MTHFD1L: variants seen among roughly 807,000 people sequenced by gnomAD.
MTHFD1L encodes the protein monofunctional C1-tetrahydrofolate synthase, mitochondrial.
In MTHFD1L, 81 loss-of-function variants were observed where a neutral mutation model predicts 119.5. The ratio of observed to expected loss-of-function variants is 0.68; its 90% CI spans 0.57 to 0.82. The LOEUF is 0.82. Among genes scored for constraint, MTHFD1L ranks in the 40% least tolerant of loss-of-function variants. The pLI is 0.00. For synonymous variants in MTHFD1L, 430 were observed against 475.2 expected (o/e 0.90, Z 1.24); for missense variants, 1,125 against 1,253.4 (o/e 0.90, Z 1.55).
intron 8 of MTHFD1L, among the ~76,000 whole-genome samples, chr6:150,909,468 C>T (rs1262140881): frequency 6.6e-6 from 1 of 152,020 alleles, no homozygotes; most frequent in African/African-American, 2.4e-5. Flanking sequence ...GTCTTGAACT[C>T]CCGGCCTCAA....
At chr6:150,881,675 C>T (rs181505405) in intron 4 of MTHFD1L, among the ~76,000 whole-genome samples, 1 of 152,194 alleles carries the variant, frequency 6.6e-6, no homozygotes, top group East Asian at 1.9e-4. Flanking sequence ...TTTATTCTTT[C>T]CAGTGATTTT....
At position 151,039,998 on chromosome 6, in the gene MTHFD1L, A is replaced by T. The variant is rs1273218212; in HGVS notation, c.2847+2881A>T. Among the ~76,000 whole-genome samples, 3 of 152,132 alleles carry T rather than the reference A, an allele frequency of 2.0e-5. No individual in the cohort carries two copies. ...GAATGGCCTCAGTGATGGCCACTTT[A>T]CTCCTGAGCTTTAGCTGGTGAAAGC... On this transcript the variant is annotated intron_variant, in intron 26 of 27. Coordinates refer to ENST00000367321, the MANE Select transcript of MTHFD1L (RefSeq NM_015440.5). The surrounding 1 kb of genome is among the most constrained non-coding windows in gnomAD (Gnocchi z 4.4).
chr6:151,015,072 C>A, intron 23 of MTHFD1L, 92 bp downstream of exon 23: 1 of 1,035,656 alleles, frequency 9.7e-7, no homozygotes, highest in Non-Finnish European at 1.4e-6. Flanking sequence ...TCTTTCTGTG[C>A]TTCATCTAAA....
intron 20 of MTHFD1L, 83 bp downstream of exon 20, chr6:150,972,141 C>G: frequency 8.4e-7 from 1 of 1,188,516 alleles, no homozygotes; most frequent in South Asian, 1.3e-5. Flanking sequence ...TGATATCCAT[C>G]CTGACATGAA....
rs186490848 is a variant in MTHFD1L, at chr6:150,930,393, A to G, written c.1256+4098A>G. Among the ~76,000 whole-genome samples the G allele has an allele frequency of 4.0e-3, 608 of 152,340 alleles. 6 individuals carry two copies. The highest frequency in any genetic ancestry group is 0.014 in the African/African-American group (595 of 41,582). The stretch of plus-strand genomic sequence containing the variant: ...TGACTGTTATCAAACCATTATATGC[A>G]CTGTTGCAACTTCTTTAAAAATATA... On this transcript the variant is annotated intron_variant, in intron 11 of 27. Transcript: ENST00000367321.
rs768130949 is a variant in MTHFD1L, at chr6:151,092,539, G to C, written c.2920G>C (p.Val974Leu). 8.1e-6 allele frequency: 13 copies of C among 1,614,004 alleles called. No homozygotes were observed. In the East Asian group the frequency reaches 2.9e-4, roughly 36 times the overall value. ...AGATCTTGATACCGAAACAGAACAAGTTAAAGGCTTGTTCTAAGTGGACAA... is the reference window on the plus strand; with the variant it reads ...AGATCTTGATACCGAAACAGAACAACTTAAAGGCTTGTTCTAAGTGGACAA... ...DIDLDTETEQ[V>L]KGLF is the part of the protein sequence containing the mutation. Residue 974 changes from valine (V) to leucine (L), a missense_variant, in exon 27 of 28, where the codon GTT becomes CTT. This residue lies in a region of MTHFD1L where 61 missense variants were observed against 78.9 expected (regional missense o/e 0.77). Coordinates refer to ENST00000367321, the MANE Select transcript of MTHFD1L (RefSeq NM_015440.5).
chr6:151,034,515 G>A lies in MTHFD1L; in HGVS notation c.2609G>A (p.Arg870Lys), dbSNP rs576524414. ...CAGGTTCCAATTGTGGACAAGATAA[G>A]GACCATTGCTCAGGCTGTCTATGGA... ...DVQVPIVDKI[R>K]TIAQAVYGAK... Residue 870 changes from arginine to lysine, a missense_variant, in exon 25 of 28, where the codon AGG becomes AAG. By Grantham distance (26) the Arg-to-Lys change is conservative. This residue lies in a region of MTHFD1L where 1,058 missense variants were observed against 1,151.2 expected (regional missense o/e 0.92). Coordinates refer to ENST00000367321, the MANE Select transcript of MTHFD1L (RefSeq NM_015440.5). 28 of 1,611,218 alleles carry A rather than the reference G, an allele frequency of 1.7e-5. No homozygotes were observed. The South Asian group carries it at 3.0e-4, about 17-fold the overall frequency.
At chr6:151,082,822 A>C (rs1242139701) in intron 26 of MTHFD1L, among the ~76,000 whole-genome samples, 1 of 152,212 alleles carries the variant, frequency 6.6e-6, no homozygotes, top group African/African-American at 2.4e-5. Flanking sequence ...AATCAAAAAA[A>C]ACAAAACAAA....
intron 20 of MTHFD1L, among the ~76,000 whole-genome samples, chr6:150,979,656 A>G (rs1286635624): frequency 6.6e-6 from 1 of 152,032 alleles, no homozygotes. Flanking sequence ...ACGCACCACC[A>G]TGCCCGGCTA....
chr6:151,042,003 C>A, intron 26 of MTHFD1L: 1 of 362,490 alleles, frequency 2.8e-6, no homozygotes, highest in South Asian at 2.3e-5. Flanking sequence ...TCGTCATGTT[C>A]TATTTAATTA....
At chr6:150,891,477 T>G (rs1246618544) in intron 7 of MTHFD1L, among the ~76,000 whole-genome samples, 1 of 147,982 alleles carries the variant, frequency 6.8e-6, no homozygotes. Context: ...ATATATATAT[T>G]TAGGTCAGGA....
At chr6:150,913,785 C>T (rs1165620067) in intron 8 of MTHFD1L, among the ~76,000 whole-genome samples, 1 of 152,038 alleles carries the variant, frequency 6.6e-6, no homozygotes, top group African/African-American at 2.4e-5. Flanking sequence ...CTTGAGCTCA[C>T]GAGTTCGAGA....
rs182759470 is a variant in MTHFD1L at position 150,932,729 on chromosome 6, C to T, written c.1257-4075C>T. ...ATTGCAGTGAGCTGAGATTGTGCCA[C>T]TGCACTCCAGCCTGGGCAACAAGAG... On this transcript the variant is annotated intron_variant, in intron 11 of 27. Transcript: ENST00000367321. Among the ~76,000 whole-genome samples, 671 of 150,936 alleles carry T rather than the reference C, an allele frequency of 4.4e-3. 8 individuals are homozygous for T. Among genetic ancestry groups the T allele is most frequent in the African/African-American group, 0.016 (639 of 41,032 alleles).
chr6:151,066,995 A>ATTT (rs36035374), intron 26 of MTHFD1L, among the ~76,000 whole-genome samples: 2,850 of 138,550 alleles, frequency 0.021, 119 homozygotes, highest in African/African-American at 0.07. Flanking sequence ...TATCAATTTG[A>ATTT]TTTTTTTTTT....
chr6:151,082,161 C>T (rs535059333), intron 26 of MTHFD1L, among the ~76,000 whole-genome samples: 2 of 152,274 alleles, frequency 1.3e-5, no homozygotes, highest in African/African-American at 2.4e-5. Context: ...TGCTACCTGT[C>T]GGTCAAACGG....
chr6:150,974,839 C>T lies in MTHFD1L; in HGVS notation c.2125+2781C>T, dbSNP rs546351884. Among the ~76,000 whole-genome samples, 9 of 151,920 alleles carry T rather than the reference C, an allele frequency of 5.9e-5. No homozygotes were observed. In the East Asian group the frequency reaches 1.2e-3, roughly 20 times the overall value. On this transcript the variant is annotated intron_variant, in intron 20 of 27. Transcript: ENST00000367321. ...GCAACCTCCGCCTCCCAGGTTCAAG[C>T]GATCCTCCTACCTCAGCCTCCCGAG...
At position 150,931,268 on chromosome 6, in the gene MTHFD1L, CTTTTTTTT is replaced by C. The variant is rs370763551; in HGVS notation, c.1256+4989_1256+4996del. On this transcript the variant is annotated intron_variant, in intron 11 of 27. Transcript: ENST00000367321. ...ATTTGAATCATTCACATCATTTCAT[CTTTTTTTT>C]TTTTTTTTTTTTTTTCTGCAGAGGG... Among the ~76,000 whole-genome samples the C allele has an allele frequency of 6.0e-4, 74 of 123,728 alleles. 1 individual carries two copies. The highest frequency in any genetic ancestry group is 9.3e-3 in the Middle Eastern group (2 of 216). The allele number at this position is 123,728 out of a possible 152,430, so 81.2% of individuals were successfully genotyped here.
At chr6:150,876,387 A>G (rs1392838518) in intron 2 of MTHFD1L, among the ~76,000 whole-genome samples, 2 of 152,088 alleles carry the variant, frequency 1.3e-5, no homozygotes, top group Non-Finnish European at 2.9e-5. Flanking sequence ...TCTCTGAGGT[A>G]TGGGTAGCTT....
chr6:151,008,369 T>G (rs751396980), intron 20 of MTHFD1L, among the ~76,000 whole-genome samples: 7 of 152,232 alleles, frequency 4.6e-5, no homozygotes, highest in Non-Finnish European at 8.8e-5. Flanking sequence ...TCATAAACAT[T>G]TACTTTGTAT....
Sources: allele counts gnomAD v4.1 joint callset (sites outside exome capture counted in the v4.1 genomes callset), GRCh38; gene constraint gnomAD v4.1.1; regional missense constraint gnomAD v4.1.1; non-coding constraint Gnocchi (gnomAD v3.1); transcripts MANE v1.5; gene names NCBI Gene and HGNC (gene_info 2026-07-23, HGNC 2026-07-21).